NBEA: variants seen among roughly 807,000 people sequenced by gnomAD.
NBEA encodes neurobeachin.
NBEA carries 44 observed loss-of-function variants against 343.4 expected under a neutral mutation model. That is an observed-to-expected ratio of 0.13 (90% CI 0.10 to 0.16). The LOEUF (loss-of-function observed/expected upper bound fraction) is 0.16. NBEA is among the 10% of genes least tolerant of loss of function. The probability of loss-of-function intolerance (pLI) is 1.00; values close to 1 mark genes in which losing one functional copy is unlikely to be tolerated. For missense variants in NBEA, 2,555 were observed against 3,631.3 expected (o/e 0.70, Z 7.62); for synonymous variants, 1,175 against 1,238.7 (o/e 0.95, Z 1.08).
chr13:35,315,782 A>G (rs902908661), intron 36 of NBEA, among the ~76,000 whole-genome samples: 1 of 152,128 alleles, frequency 6.6e-6, no homozygotes, highest in African/African-American at 2.4e-5. Flanking sequence ...ATCCAAGTAT[A>G]ATTTTTTAGT....
rs1056127463 is a variant in NBEA at position 35,475,785 on chromosome 13, G to A, written c.6585+3249G>A. Reference sequence around the variant, plus strand: ...TGCGCGCCGAGAGGTAGCCGGAGGCGGTAATGAATTCCACCCAGAGGGACA... The same window carrying A: ...TGCGCGCCGAGAGGTAGCCGGAGGCAGTAATGAATTCCACCCAGAGGGACA... On this transcript the variant is annotated intron_variant, in intron 41 of 58. Coordinates refer to ENST00000379939, the MANE Select transcript of NBEA (RefSeq NM_001385012.1). 25 of 1,613,750 alleles carry A rather than the reference G, an allele frequency of 1.5e-5. No homozygotes were observed. In the Admixed American group the frequency reaches 1.8e-4, roughly 12 times the overall value.
At chr13:35,259,964 T>A (rs1181209077) in intron 34 of NBEA, among the ~76,000 whole-genome samples, 2 of 152,210 alleles carry the variant, frequency 1.3e-5, no homozygotes, top group African/African-American at 4.8e-5. Context: ...TTACTCAACA[T>A]TGACAATCAG....
intron 38 of NBEA, among the ~76,000 whole-genome samples, chr13:35,355,848 C>T (rs997905493): frequency 2.0e-5 from 3 of 151,916 alleles, no homozygotes; most frequent in Non-Finnish European, 4.4e-5. Context: ...TCTCTAGCCA[C>T]TCTGTCTAAA....
At chr13:35,534,707 A>G (rs1225235661) in intron 41 of NBEA, among the ~76,000 whole-genome samples, 1 of 152,220 alleles carries the variant, frequency 6.6e-6, no homozygotes, top group Non-Finnish European at 1.5e-5. Flanking sequence ...TCAATCTTAC[A>G]GATAAAGACA....
chr13:35,653,171 G>C (rs534553634), intron 53 of NBEA, among the ~76,000 whole-genome samples: 2 of 151,934 alleles, frequency 1.3e-5, no homozygotes, highest in African/African-American at 4.8e-5. Context: ...TTAGTCTTTC[G>C]AGGCCCTTCC....
chr13:34,976,493 G>A (rs1013673070), intron 1 of NBEA, among the ~76,000 whole-genome samples: 4 of 152,048 alleles, frequency 2.6e-5, no homozygotes, highest in Non-Finnish European at 5.9e-5. Context: ...GGTGATGGGT[G>A]CACCAAAAAC....
At chr13:35,324,228 G>A (rs1268203426) in intron 36 of NBEA, among the ~76,000 whole-genome samples, 1 of 152,192 alleles carries the variant, frequency 6.6e-6, no homozygotes, top group Non-Finnish European at 1.5e-5. Context: ...GGACAGATAG[G>A]ACAAGAATAC....
At chr13:35,059,254 GATA>G (rs2063375413) in intron 8 of NBEA, among the ~76,000 whole-genome samples, 2 of 151,876 alleles carry the variant, frequency 1.3e-5, no homozygotes, top group Non-Finnish European at 2.9e-5. Flanking sequence ...AGGAAACTAA[GATA>G]ATATATTTCA....
rs553752260 is a variant in NBEA, at chr13:35,444,478, G to A, written c.6305-7614G>A. ...ATTGCAACATTTTATTCTACTAAAAGAGTGGTAGACTTCGTCAAAATACAT... is the reference window on the plus strand; with the variant it reads ...ATTGCAACATTTTATTCTACTAAAAAAGTGGTAGACTTCGTCAAAATACAT... On this transcript the variant is annotated intron_variant, in intron 39 of 58. Coordinates refer to ENST00000379939, the MANE Select transcript of NBEA (RefSeq NM_001385012.1). Among the ~76,000 whole-genome samples the A allele has an allele frequency of 4.3e-4, 66 of 152,108 alleles. No individual in the cohort carries two copies. The South Asian group carries it at 8.5e-3, about 20-fold the overall frequency.
intron 49 of NBEA, among the ~76,000 whole-genome samples, chr13:35,636,717 C>T (rs929952995): frequency 3.3e-5 from 5 of 152,142 alleles, no homozygotes; most frequent in African/African-American, 4.8e-5. Context: ...GGATGTCATA[C>T]TGATTGTTCT....
intron 38 of NBEA, among the ~76,000 whole-genome samples, chr13:35,396,552 T>A (rs555850849): frequency 6.6e-6 from 1 of 152,258 alleles, no homozygotes; most frequent in Admixed American, 6.5e-5. Context: ...CTTGAAACCA[T>A]ATAGATTCAT....
At chr13:35,513,015 G>T (rs376661132) in intron 41 of NBEA, among the ~76,000 whole-genome samples, 2 of 151,934 alleles carry the variant, frequency 1.3e-5, no homozygotes, top group East Asian at 3.9e-4. Context: ...ATACTATACA[G>T]GTTTTTTTAA....
intron 34 of NBEA, among the ~76,000 whole-genome samples, chr13:35,258,199 C>T (rs1158788559): frequency 2.7e-5 from 4 of 149,446 alleles, no homozygotes; most frequent in Admixed American, 6.6e-5. Flanking sequence ...AACAACATCT[C>T]GCTCTGTCAC....
chr13:35,176,364 A>G (rs1279344330), intron 27 of NBEA, among the ~76,000 whole-genome samples: 1 of 152,056 alleles, frequency 6.6e-6, no homozygotes, highest in East Asian at 1.9e-4. Flanking sequence ...ACAATTTTTA[A>G]CACACTGTAT....
At chr13:35,321,941 C>T (rs2152841073) in intron 36 of NBEA, among the ~76,000 whole-genome samples, 1 of 152,286 alleles carries the variant, frequency 6.6e-6, no homozygotes, top group East Asian at 1.9e-4. Context: ...GTGGACACCC[C>T]TCCCTCCACC....
chr13:35,664,996 A>G lies in NBEA; in HGVS notation c.8363-89A>G. ...CTTAATAATAATGCCCTTAATAAAC[A>G]TGGGTATTTTTTGAATATTGCATTG... On this transcript the variant is annotated intron_variant, in intron 55 of 58. Transcript: ENST00000379939. 8.2e-6 allele frequency: 7 copies of G among 854,710 alleles called. No individual in the cohort carries two copies. The South Asian group carries it at 8.8e-5, about 11-fold the overall frequency. The allele number at this position is 854,710 out of a possible 1,614,324, so 52.9% of individuals were successfully genotyped here.
At chr13:35,052,277 A>G (rs1328161498) in intron 6 of NBEA, among the ~76,000 whole-genome samples, 3 of 152,036 alleles carry the variant, frequency 2.0e-5, no homozygotes, top group Admixed American at 1.3e-4. Flanking sequence ...TGGCCTTTCA[A>G]AAAGAAATCT....
At chr13:35,077,442 C>G (rs1459679738) in intron 10 of NBEA, among the ~76,000 whole-genome samples, 1 of 151,986 alleles carries the variant, frequency 6.6e-6, no homozygotes, top group Non-Finnish European at 1.5e-5. Context: ...AAATTAGAAC[C>G]CCAAGAGAAC....
At chr13:35,292,376 A>AACTT (rs756032416) in intron 35 of NBEA, among the ~76,000 whole-genome samples, 16 of 152,066 alleles carry the variant, frequency 1.1e-4, no homozygotes, top group Non-Finnish European at 2.2e-4. Context: ...ACATAGCAGT[A>AACTT]ACATACCTCT....
Sources: allele counts gnomAD v4.1 joint callset (sites outside exome capture counted in the v4.1 genomes callset), GRCh38; gene constraint gnomAD v4.1.1; transcripts MANE v1.5; gene names NCBI Gene and HGNC (gene_info 2026-07-23, HGNC 2026-07-21).